The following RCOR2 variants were observed in gnomAD, a reference collection of about 807,000 sequenced individuals.
RCOR2 encodes the protein REST corepressor 2.
In RCOR2, 19 loss-of-function variants were observed where a neutral mutation model predicts 58.9. That is an observed-to-expected ratio of 0.32 (90% confidence interval 0.23 to 0.47). The LOEUF (loss-of-function observed/expected upper bound fraction) is 0.47. Ranked by LOEUF, RCOR2 falls within the 20% of genes least tolerant of loss-of-function variation. The pLI is 1.00. For synonymous variants in RCOR2, 286 were observed against 278.7 expected (o/e 1.03, Z -0.26); for missense variants, 590 against 707.9 (o/e 0.83, Z 1.89).
chr11:63,915,133 G>A, intron 3 of RCOR2, 45 bp downstream of exon 3: 2 of 1,525,058 alleles, frequency 1.3e-6, no homozygotes, highest in Non-Finnish European at 1.8e-6. Context: ...GCTTGGAGCT[G>A]GGATGAACCC....
At chr11:63,920,963 AC>A (rs1941911442), upstream of RCOR2, among the ~76,000 whole-genome samples, 1 of 151,576 alleles carries the variant, frequency 6.6e-6, no homozygotes, top group Non-Finnish European at 1.5e-5. Context: ...GGCGCTTGGC[AC>A]CACCCCGGCA....
Position 63,911,740 on chromosome 11 carries a change from A to G in RCOR2, c.*125T>C, listed in dbSNP as rs1941760321. On this transcript the variant is annotated 3_prime_UTR_variant, in exon 12 of 12. Coordinates refer to ENST00000301459, the MANE Select transcript of RCOR2 (RefSeq NM_173587.4). ...CCAAAGGGCGGGGCTGGGCTGTCCGAAACTCTGGTCTTACAAAGACCCCGC... is the reference window on the plus strand; with the variant it reads ...CCAAAGGGCGGGGCTGGGCTGTCCGGAACTCTGGTCTTACAAAGACCCCGC... The G allele has an allele frequency of 2.9e-6, 4 of 1,371,352 alleles. No individual in the cohort carries two copies. In the South Asian group the frequency reaches 7.1e-5, roughly 24 times the overall value. 84.9% of individuals were successfully genotyped at this position (1,371,352 alleles called of 1,614,324 possible).
the RCOR2 span, among the ~76,000 whole-genome samples, chr11:63,922,347 C>T: frequency 6.6e-6 from 1 of 152,164 alleles, no homozygotes; most frequent in Non-Finnish European, 1.5e-5. Flanking sequence ...ACACTATACA[C>T]ACATAATACA....
Position 63,911,824 on chromosome 11 carries a change from A to C in RCOR2, c.*41T>G. On this transcript the variant is annotated 3_prime_UTR_variant, in exon 12 of 12. Transcript: ENST00000301459. ...CAGAGATGCCTGGGGATGGCCAGCA[A>C]AGGGGTCCTGGAGCCCGTGGTTGGT... is the stretch of plus-strand genomic sequence containing the variant. The C allele has an allele frequency of 6.8e-7, 1 of 1,478,116 alleles. No homozygotes were observed. The highest frequency in any genetic ancestry group is 8.9e-7 in the Non-Finnish European group (1 of 1,127,684). 91.6% of individuals were successfully genotyped at this position (1,478,116 alleles called of 1,614,324 possible). A position where few individuals can be genotyped will look rare whatever the true frequency, so the allele number is the denominator to read the frequency against.
chr11:63,922,364 T>G, the RCOR2 span, among the ~76,000 whole-genome samples: 112 of 152,296 alleles, frequency 7.4e-4, no homozygotes, highest in African/African-American at 2.3e-3. Context: ...TACAAATATT[T>G]TTTTTCTAGA....
Position 63,916,892 on chromosome 11 carries a change from G to C in RCOR2, c.-436C>G. The stretch of plus-strand genomic sequence containing the variant: ...GGGCTCTGCGCCTCTCAGCTGCGCC[G>C]GGGATGCCCCAGTCCCCGGGCGGGG... On this transcript the variant is annotated 5_prime_UTR_variant, in exon 1 of 12. Transcript: ENST00000301459. The C allele has an allele frequency of 6.4e-6, 1 of 156,192 alleles. No individual in the cohort carries two copies. The highest frequency in any genetic ancestry group is 1.7e-4 in the South Asian group (1 of 5,982). 9.7% of individuals were successfully genotyped at this position (156,192 alleles called of 1,614,324 possible). A position where few individuals can be genotyped will look rare whatever the true frequency, so the allele number is the denominator to read the frequency against.
intron 3 of RCOR2, 64 bp downstream of exon 3, chr11:63,915,114 G>C (rs542327023): frequency 1.3e-6 from 2 of 1,515,170 alleles, no homozygotes; most frequent in South Asian, 2.4e-5. Flanking sequence ...CCCCTTCTGA[G>C]AAGAGCTAGC....
chr11:63,927,322 G>A, the RCOR2 span, among the ~76,000 whole-genome samples: 9 of 152,208 alleles, frequency 5.9e-5, no homozygotes, highest in African/African-American at 1.4e-4. Flanking sequence ...CCAGGCTGGA[G>A]TGCAGTGGCA....
In RCOR2 at chr11:63,916,628, C is replaced by T. The variant is rs1175894259; in HGVS notation, c.-172G>A. Reference sequence around the variant, plus strand: ...GGCGGGGTGGGAGCCCACCTGGTAGCCCCAGCGCTCTCCACGACCCCCACG... The same window carrying T: ...GGCGGGGTGGGAGCCCACCTGGTAGTCCCAGCGCTCTCCACGACCCCCACG... On this transcript the variant is annotated 5_prime_UTR_variant, in exon 1 of 12. Transcript: ENST00000301459. 1.2e-5 allele frequency: 14 copies of T among 1,145,196 alleles called. No individual in the cohort carries two copies. The highest frequency in any genetic ancestry group is 1.6e-5 in the African/African-American group (1 of 63,522). The allele number at this position is 1,145,196 out of a possible 1,614,324, so 70.9% of individuals were successfully genotyped here.
the RCOR2 span, among the ~76,000 whole-genome samples, chr11:63,922,378 A>C: frequency 3.3e-5 from 5 of 151,920 alleles, no homozygotes; most frequent in Non-Finnish European, 7.4e-5. Flanking sequence ...TTCTAGACCA[A>C]CTCTTGCTCT....
At chr11:63,914,588 C>T (rs374099097) in intron 5 of RCOR2, 47 bp from the exon 6 acceptor site, 3 of 1,611,234 alleles carry the variant, frequency 1.9e-6, no homozygotes, top group Middle Eastern at 1.6e-4. Context: ...AGACTCTGGG[C>T]CCCAGGTAAG....
chr11:63,916,250 G>T, intron 1 of RCOR2, 80 bp downstream of exon 1: 1 of 1,250,968 alleles, frequency 8.0e-7, no homozygotes, highest in Non-Finnish European at 1.1e-6. Context: ...ACAGGCTCGT[G>T]GTCTGCAACT....
chr11:63,922,407 T>C, the RCOR2 span, among the ~76,000 whole-genome samples: 92,498 of 152,060 alleles, frequency 0.61, 28,508 homozygotes, highest in East Asian at 0.93. Flanking sequence ...GGCTGAAATG[T>C]AGTGGTATGA....
chr11:63,920,994 C>T (rs892514118), upstream of RCOR2, among the ~76,000 whole-genome samples: 11 of 152,278 alleles, frequency 7.2e-5, no homozygotes, highest in Middle Eastern at 3.4e-3. Context: ...TGCAAGGAGG[C>T]GGCAGAGGGA....
At chr11:63,924,202 C>T in the RCOR2 span, among the ~76,000 whole-genome samples, 22 of 149,306 alleles carry the variant, frequency 1.5e-4, 1 homozygote, top group Non-Finnish European at 1.5e-4. Context: ...GCCACCATGC[C>T]CGGTCTATTT....
Position 63,914,662 on chromosome 11 carries a change from T to C in RCOR2, c.473A>G (p.Gln158Arg). 2.5e-6 allele frequency: 4 copies of C among 1,606,108 alleles called. No individual in the cohort carries two copies. Among genetic ancestry groups the C allele is most frequent in the Non-Finnish European group, 3.4e-6 (4 of 1,175,734 alleles). Reference protein sequence around the residue: ...GFHGKCFQRIQQMLPDKLIPS... With the variant: ...GFHGKCFQRIRQMLPDKLIPS... ...GGGGTGGAAGGGCTTTACCATCTGC[T>C]GGATCCGCTGGAAGCATTTGCCATG... The change falls in exon 5 of 12, where the codon CAG becomes CGG. Residue 158 changes from glutamine to arginine, a missense_variant. Physicochemically the swap from Gln to Arg is conservative, Grantham distance 43 (BLOSUM62 1). This residue lies in a region of RCOR2 where 390 missense variants were observed against 478.7 expected (regional missense o/e 0.81). Transcript: ENST00000301459.
chr11:63,918,380 C>G (rs1207958058), upstream of RCOR2, among the ~76,000 whole-genome samples: 1 of 152,182 alleles, frequency 6.6e-6, no homozygotes, highest in East Asian at 1.9e-4. Context: ...CCCGGGGACT[C>G]CTGCGGACAG....
At position 63,913,947 on chromosome 11, in the gene RCOR2, G is replaced by GC. The variant is rs1355330539; in HGVS notation, c.891+6dup. The GC allele has an allele frequency of 1.9e-6, 3 of 1,612,938 alleles. No homozygotes were observed. Among genetic ancestry groups the GC allele is most frequent in the South Asian group, 2.2e-5 (2 of 91,056 alleles). On this transcript the variant is annotated splice_region_variant and intron_variant, in intron 8 of 11. Transcript: ENST00000301459. ...TTGCATAGCCCGTTCATTTCCCAGGGCCCCACCTGGCGCTTGAGGGAGATG... is the reference window on the plus strand; with the variant it reads ...TTGCATAGCCCGTTCATTTCCCAGGGCCCCCACCTGGCGCTTGAGGGAGATG...
At chr11:63,927,273 T>C in the RCOR2 span, among the ~76,000 whole-genome samples, 1 of 151,224 alleles carries the variant, frequency 6.6e-6, no homozygotes, top group Non-Finnish European at 1.5e-5. Context: ...TGTTTTTTGT[T>C]TTTTTGTGTT....
Sources: allele counts gnomAD v4.1 joint callset (sites outside exome capture counted in the v4.1 genomes callset), GRCh38; gene constraint gnomAD v4.1.1; regional missense constraint gnomAD v4.1.1; transcripts MANE v1.5; gene names NCBI Gene and HGNC (gene_info 2026-07-23, HGNC 2026-07-21).